Variants in BID observed in about 807,000 individuals in gnomAD.
The protein encoded by BID is BH3 interacting domain death agonist, also known as BH3-interacting domain death agonist.
Under a neutral mutation model 17.4 loss-of-function variants are expected in BID, and 19 were observed. That is an observed-to-expected ratio of 1.09 (90% CI 0.76 to 1.60). BID has a LOEUF of 1.60. Among genes scored for constraint, BID ranks in the 40% most tolerant of loss-of-function variants. BID has a pLI of 0.00. For missense variants in BID, 226 were observed against 256.0 expected, an observed-to-expected ratio of 0.88 and a Z score of 0.80; for synonymous variants, 108 against 102.8, an observed-to-expected ratio of 1.05 and a Z score of -0.31.
intron 3 of BID, chr22:17,739,936 A>G (rs948454084): frequency 6.1e-6 from 5 of 818,078 alleles, no homozygotes; most frequent in Non-Finnish European, 7.8e-6. Context: ...CATTCCTCGC[A>G]GTCCCGTCTC....
chr22:17,770,808 C>T (rs1394669712), intron 1 of BID, among the ~76,000 whole-genome samples: 2 of 152,178 alleles, frequency 1.3e-5, no homozygotes, highest in African/African-American at 4.8e-5. Flanking sequence ...GGACTGCCCC[C>T]GGCGCCAGCA....
At chr22:17,741,910 T>C (rs1202358836) in intron 3 of BID, among the ~76,000 whole-genome samples, 1 of 152,208 alleles carries the variant, frequency 6.6e-6, no homozygotes, top group Non-Finnish European at 1.5e-5. Flanking sequence ...GTTTTCCTGA[T>C]TCCCTGCAGA....
At chr22:17,736,411 C>T (rs943045805) in intron 5 of BID, among the ~76,000 whole-genome samples, 4 of 147,526 alleles carry the variant, frequency 2.7e-5, no homozygotes, top group African/African-American at 7.6e-5. Context: ...GAGCTGAGAT[C>T]GTGCCATTGC....
intron 1 of BID, among the ~76,000 whole-genome samples, chr22:17,759,203 C>T (rs2061616087): frequency 8.1e-6 from 1 of 123,410 alleles, no homozygotes; most frequent in Non-Finnish European, 1.7e-5. Context: ...TACACTCCAG[C>T]CTGGCGACAG....
At chr22:17,751,169 G>A (rs1027334253) in intron 1 of BID, among the ~76,000 whole-genome samples, 3 of 151,610 alleles carry the variant, frequency 2.0e-5, no homozygotes, top group Middle Eastern at 3.4e-3. Flanking sequence ...TCAGGAGATC[G>A]AGACCATCCT....
chr22:17,750,605 G>A (rs1178112303), intron 1 of BID, among the ~76,000 whole-genome samples: 13 of 152,224 alleles, frequency 8.5e-5, no homozygotes, highest in Non-Finnish European at 4.4e-5. Context: ...GAGGCGGGTG[G>A]ATCATGAGGT....
In BID at chr22:17,773,533, G is replaced by A; in HGVS notation, c.-59+848C>T. ...GGAAGAGCTCTGGGTGGGTCCATCT[G>A]CTCCTCACCTGCCCCAACCCTGCCT... On this transcript the variant is annotated intron_variant, in intron 1 of 5. Coordinates refer to ENST00000622694, the MANE Select transcript of BID (RefSeq NM_001196.4). The surrounding 1 kb of genome is among the most constrained non-coding windows in gnomAD (Gnocchi z 4.4). 6.7e-6 allele frequency: 10 copies of A among 1,501,786 alleles called. No individual in the cohort carries two copies. The highest frequency in any genetic ancestry group is 9.2e-6 in the Non-Finnish European group (10 of 1,088,944). The allele number at this position is 1,501,786 out of a possible 1,614,324, so 93.0% of individuals were successfully genotyped here.
intron 1 of BID, among the ~76,000 whole-genome samples, chr22:17,754,187 CGGGCGGGGGTG>C: frequency 7.2e-6 from 1 of 139,772 alleles, no homozygotes; most frequent in South Asian, 2.2e-4. Flanking sequence ...AGGACTCTGC[CGGGCGGGGGTG>C]ACATTCCCCC....
intron 3 of BID, among the ~76,000 whole-genome samples, chr22:17,741,861 AC>A: frequency 6.6e-6 from 1 of 151,410 alleles, no homozygotes; most frequent in African/African-American, 2.4e-5. Context: ...AACATACCCA[AC>A]CCCCAAGGCC....
At chr22:17,749,745 C>A (rs1358341483) in intron 2 of BID, among the ~76,000 whole-genome samples, 4 of 152,206 alleles carry the variant, frequency 2.6e-5, no homozygotes, top group Admixed American at 6.5e-5. Flanking sequence ...GTAGCCTCGA[C>A]CTCCTGGCCT....
chr22:17,768,009 C>T (rs1191422196), intron 1 of BID, among the ~76,000 whole-genome samples: 2 of 152,206 alleles, frequency 1.3e-5, no homozygotes, highest in African/African-American at 4.8e-5. Context: ...AAATATGCTA[C>T]ATGAAAGAAG....
In BID at chr22:17,755,264, T is replaced by C. The variant is rs577714679; in HGVS notation, c.-58-5090A>G. ...CATGCCCGCTAATTTAGGAACATCG[T>C]GCTGCTCTAGGAACGTCGATCCACC... On this transcript the variant is annotated intron_variant, in intron 1 of 5. Coordinates refer to ENST00000622694, the MANE Select transcript of BID (RefSeq NM_001196.4). 2.6e-5 allele frequency among the ~76,000 whole-genome samples: 4 copies of C among 152,078 alleles called. No individual in the cohort carries two copies. In the East Asian group the frequency reaches 7.8e-4, roughly 29 times the overall value.
Position 17,773,913 on chromosome 22 carries a change from G to A in BID, c.-59+468C>T. On this transcript the variant is annotated intron_variant, in intron 1 of 5. Coordinates refer to ENST00000622694, the MANE Select transcript of BID (RefSeq NM_001196.4). This position sits in a 1 kb window ranked among gnomAD's most constrained non-coding sequence, Gnocchi z 4.4. ...TGTCAGCCCTGAGCTCCGCTCGGGA[G>A]GAGCCGGCAGGTGTCTGCGGTGCTG... The A allele has an allele frequency of 1.7e-6, 1 of 589,680 alleles. No homozygotes were observed. Among genetic ancestry groups the A allele is most frequent in the Non-Finnish European group, 3.0e-6 (1 of 330,084 alleles). The allele number at this position is 589,680 out of a possible 1,614,324, so 36.5% of individuals were successfully genotyped here.
At position 17,750,010 on chromosome 22, in the gene BID, C is replaced by T; in HGVS notation, c.12+95G>A. 3.2e-6 allele frequency: 4 copies of T among 1,258,046 alleles called. No homozygotes were observed. In the East Asian group the frequency reaches 1.0e-4, roughly 31 times the overall value. 77.9% of individuals were successfully genotyped at this position (1,258,046 alleles called of 1,614,324 possible). Reference sequence around the variant, plus strand: ...TGTGGTAAGGGCCAGGCGGGCTCAGCCTCAGCCCTCAGGGATGCGTGGTGG... The same window carrying T: ...TGTGGTAAGGGCCAGGCGGGCTCAGTCTCAGCCCTCAGGGATGCGTGGTGG... On this transcript the variant is annotated intron_variant, in intron 2 of 5. Transcript: ENST00000622694.
intron 1 of BID, among the ~76,000 whole-genome samples, chr22:17,771,655 A>G (rs1221214709): frequency 6.6e-6 from 1 of 152,238 alleles, no homozygotes; most frequent in Non-Finnish European, 1.5e-5. Context: ...CTCCAGAAAT[A>G]GCTGCTTTGT....
chr22:17,748,127 T>A (rs979814609), intron 2 of BID, among the ~76,000 whole-genome samples: 1 of 148,860 alleles, frequency 6.7e-6, no homozygotes, highest in African/African-American at 2.5e-5. Context: ...GAGAATGGCA[T>A]GAACTTGGGA....
At chr22:17,762,783 G>A (rs947316006) in intron 1 of BID, among the ~76,000 whole-genome samples, 12 of 151,922 alleles carry the variant, frequency 7.9e-5, no homozygotes, top group Non-Finnish European at 1.8e-4. Flanking sequence ...TTAATCAAAC[G>A]CTTTTTGGTT....
chr22:17,756,480 CTT>C (rs1469926048), intron 1 of BID, among the ~76,000 whole-genome samples: 2 of 99,418 alleles, frequency 2.0e-5, no homozygotes, highest in Middle Eastern at 4.8e-3. Flanking sequence ...TCTTTCTTTT[CTT>C]TCTTTCTTTC....
In BID at chr22:17,739,430, C is replaced by T. The variant is rs1386969173; in HGVS notation, c.282G>A (p.Gly94=). Residue 94 remains glycine (G), a synonymous_variant, in exon 4 of 6, where the codon GGG becomes GGA. Transcript: ENST00000622694. The part of the protein sequence containing the change: ...RNIARHLAQV[G]DSMDRSIPPG... ...GAGGGATGCTACGGTCCATGCTGTCCCCGACCTGGGCGAGGTGCCTGGCAA... is the reference window on the plus strand; with the variant it reads ...GAGGGATGCTACGGTCCATGCTGTCTCCGACCTGGGCGAGGTGCCTGGCAA... 1.2e-6 allele frequency: 2 copies of T among 1,612,494 alleles called. No homozygotes were observed. The highest frequency in any genetic ancestry group is 4.5e-5 in the East Asian group (2 of 44,886).
Sources: gnomAD v4.1 joint callset for allele counts (sites outside exome capture counted in the v4.1 genomes callset) on GRCh38, gnomAD v4.1.1 for gene constraint, Gnocchi (gnomAD v3.1) non-coding constraint, MANE v1.5 for transcripts, NCBI Gene and HGNC (gene_info 2026-07-23, HGNC 2026-07-21) for gene names.